Variants in UBE2E2 observed in about 807,000 individuals in gnomAD.
The protein encoded by UBE2E2 is ubiquitin conjugating enzyme E2 E2, also known as ubiquitin-conjugating enzyme E2 E2.
A neutral mutation model predicts 24.7 loss-of-function variants in UBE2E2; 6 were observed. The ratio of observed to expected loss-of-function variants is 0.24; its 90% CI spans 0.13 to 0.48. The LOEUF is 0.48. Ranked by LOEUF, UBE2E2 falls within the 20% of genes least tolerant of loss-of-function variation. The pLI, the probability that UBE2E2 is intolerant of heterozygous loss-of-function variation, is 0.99. For synonymous variants in UBE2E2, 104 were observed against 83.6 expected (o/e 1.24, Z -1.33); for missense variants, 169 against 245.0 (o/e 0.69, Z 2.07).
chr3:23,574,601 G>A (rs989267409), intron 5 of UBE2E2, among the ~76,000 whole-genome samples: 1 of 152,094 alleles, frequency 6.6e-6, no homozygotes, highest in Non-Finnish European at 1.5e-5. Context: ...TGTAGCCCCA[G>A]CTACTTAGAA....
intron 3 of UBE2E2, among the ~76,000 whole-genome samples, chr3:23,451,393 A>G (rs1254209433): frequency 6.6e-6 from 1 of 152,156 alleles, no homozygotes; most frequent in African/African-American, 2.4e-5. Flanking sequence ...ATCCTGAGCA[A>G]TACTTATAAT....
chr3:23,263,056 A>G (rs956770274), intron 3 of UBE2E2, among the ~76,000 whole-genome samples: 2 of 152,178 alleles, frequency 1.3e-5, no homozygotes, highest in African/African-American at 2.4e-5. Context: ...ACAGAACAAG[A>G]GATGGAGAGA....
At chr3:23,327,371 T>C (rs1694930405) in intron 3 of UBE2E2, among the ~76,000 whole-genome samples, 1 of 152,206 alleles carries the variant, frequency 6.6e-6, no homozygotes, top group African/African-American at 2.4e-5. Flanking sequence ...CCATTCTAAC[T>C]GGTGTGAGAT....
At chr3:23,293,796 A>C (rs1044569375) in intron 3 of UBE2E2, among the ~76,000 whole-genome samples, 1 of 152,042 alleles carries the variant, frequency 6.6e-6, no homozygotes, top group African/African-American at 2.4e-5. Flanking sequence ...CATTTTTCTT[A>C]TTCTCTGGCA....
chr3:23,584,867 C>T (rs905033459), intron 5 of UBE2E2, among the ~76,000 whole-genome samples: 1 of 151,794 alleles, frequency 6.6e-6, no homozygotes, highest in Non-Finnish European at 1.5e-5. Context: ...CCGCTGTGCC[C>T]AGTTGGTATG....
At chr3:23,266,374 T>A (rs1353531480) in intron 3 of UBE2E2, among the ~76,000 whole-genome samples, 2 of 152,202 alleles carry the variant, frequency 1.3e-5, no homozygotes, top group African/African-American at 4.8e-5. Context: ...TTTGCTTGTC[T>A]GTAAAGGATT....
At chr3:23,295,533 G>A (rs941180719) in intron 3 of UBE2E2, among the ~76,000 whole-genome samples, 4 of 152,028 alleles carry the variant, frequency 2.6e-5, no homozygotes, top group African/African-American at 7.2e-5. Flanking sequence ...ATCATGTGGG[G>A]AAAAAAATGT....
At chr3:23,506,240 C>A (rs1490071659) in intron 4 of UBE2E2, among the ~76,000 whole-genome samples, 1 of 152,170 alleles carries the variant, frequency 6.6e-6, no homozygotes, top group Non-Finnish European at 1.5e-5. Flanking sequence ...GGCCATGGGT[C>A]AAGTTCTTTC....
At chr3:23,481,544 T>C (rs1311826642) in intron 3 of UBE2E2, among the ~76,000 whole-genome samples, 3 of 152,208 alleles carry the variant, frequency 2.0e-5, no homozygotes, top group Non-Finnish European at 4.4e-5. Flanking sequence ...CAATTAAAGC[T>C]CCCCTAATGG....
At chr3:23,381,181 T>C (rs1696660834) in intron 3 of UBE2E2, among the ~76,000 whole-genome samples, 1 of 152,208 alleles carries the variant, frequency 6.6e-6, no homozygotes, top group African/African-American at 2.4e-5. Context: ...GTATACACAA[T>C]CTGAAGATCA....
intron 3 of UBE2E2, among the ~76,000 whole-genome samples, chr3:23,267,109 T>G (rs1352112127): frequency 2.0e-5 from 3 of 151,174 alleles, no homozygotes; most frequent in Non-Finnish European, 4.4e-5. Context: ...GCAGGAAAGA[T>G]CCAAAATTGA....
At chr3:23,373,329 G>C (rs1399551075) in intron 3 of UBE2E2, among the ~76,000 whole-genome samples, 1 of 152,126 alleles carries the variant, frequency 6.6e-6, no homozygotes, top group Non-Finnish European at 1.5e-5. Flanking sequence ...TGTCCTGTGG[G>C]GTAAGCAGGA....
chr3:23,419,410 GTGA>G (rs1395834723), intron 3 of UBE2E2, among the ~76,000 whole-genome samples: 5 of 152,170 alleles, frequency 3.3e-5, no homozygotes, highest in Non-Finnish European at 5.9e-5. Flanking sequence ...TACCTATACA[GTGA>G]TGAGTTGTCA....
intron 4 of UBE2E2, among the ~76,000 whole-genome samples, chr3:23,508,136 T>G (rs1694497097): frequency 1.3e-5 from 2 of 152,220 alleles, no homozygotes; most frequent in Admixed American, 6.5e-5. Context: ...TTGATAAACT[T>G]TTAATAATGG....
intron 3 of UBE2E2, among the ~76,000 whole-genome samples, chr3:23,220,055 G>A (rs146947632): frequency 6.0e-4 from 91 of 152,230 alleles, no homozygotes; most frequent in African/African-American, 1.4e-3. Context: ...GTGTTTAAGC[G>A]TTGTGCAAAT....
intron 3 of UBE2E2, among the ~76,000 whole-genome samples, chr3:23,310,505 T>A (rs1209130378): frequency 6.6e-6 from 1 of 152,120 alleles, no homozygotes; most frequent in African/African-American, 2.4e-5. Flanking sequence ...GTGGAAAAGC[T>A]GTTGGAGAAG....
chr3:23,410,583 A>G (rs1697473754), intron 3 of UBE2E2, among the ~76,000 whole-genome samples: 1 of 152,190 alleles, frequency 6.6e-6, no homozygotes, highest in African/African-American at 2.4e-5. Context: ...TAGTACCTTC[A>G]TCTTTTCTAC....
intron 3 of UBE2E2, among the ~76,000 whole-genome samples, chr3:23,396,937 G>A (rs1697093707): frequency 6.6e-6 from 1 of 152,184 alleles, no homozygotes; most frequent in Non-Finnish European, 1.5e-5. Flanking sequence ...GAACAATAGA[G>A]TGTGATACCT....
intron 3 of UBE2E2, among the ~76,000 whole-genome samples, chr3:23,411,901 T>C (rs929889686): frequency 1.5e-4 from 23 of 152,228 alleles, no homozygotes; most frequent in African/African-American, 5.3e-4. Context: ...TTATTAACCA[T>C]GAGTTATTAA....
Sources: gnomAD v4.1 joint callset for allele counts (sites outside exome capture counted in the v4.1 genomes callset) on GRCh38, gnomAD v4.1.1 for gene constraint, MANE v1.5 for transcripts, NCBI Gene and HGNC (gene_info 2026-07-23, HGNC 2026-07-21) for gene names.